The following ANXA3 variants were observed in gnomAD, a reference collection of about 807,000 sequenced individuals.
ANXA3 encodes 35-alpha calcimedin.
In ANXA3, 46 loss-of-function variants were observed where a neutral mutation model predicts 48.8. The observed-to-expected ratio is 0.94, with a 90% CI of 0.74 to 1.21. ANXA3 has a LOEUF of 1.21. Among genes scored for constraint, ANXA3 ranks in the 50% most tolerant of loss-of-function variants. ANXA3 has a pLI of 0.00. For missense variants in ANXA3, 383 were observed against 378.6 expected (o/e 1.01, Z -0.10); for synonymous variants, 128 against 134.7 (o/e 0.95, Z 0.35).
chr4:78,583,372 AT>A (rs1167681611), intron 5 of ANXA3, among the ~76,000 whole-genome samples: 2 of 151,876 alleles, frequency 1.3e-5, no homozygotes, highest in Non-Finnish European at 2.9e-5. Context: ...ATTGGAAAGA[AT>A]TGGAGGCCAT....
chr4:78,567,013 G>A (rs1433719998), intron 2 of ANXA3, among the ~76,000 whole-genome samples: 1 of 152,166 alleles, frequency 6.6e-6, no homozygotes, highest in Non-Finnish European at 1.5e-5. Flanking sequence ...ACTCCTTACT[G>A]CCCTGTGGGC....
Position 78,595,795 on chromosome 4 carries a change from TTCTC to T in ANXA3, c.544_547del (p.Leu182IlefsTer21), listed in dbSNP as rs770648116. The T allele has an allele frequency of 5.0e-6, 8 of 1,587,160 alleles. No homozygotes were observed. The highest frequency in any genetic ancestry group is 6.9e-6 in the Non-Finnish European group (8 of 1,156,466). On this transcript the variant is annotated frameshift_variant and splice_region_variant, in exon 9 of 13. Transcript: ENST00000264908. LOFTEE classifies it high-confidence loss of function. ...CTAATATCATTCTCTTGTGAATAGA[TTCTC>T]TATAAAGCTGGTGAGAACAGATGGG...
chr4:78,576,748 G>A (rs1263057252), intron 3 of ANXA3, among the ~76,000 whole-genome samples: 5 of 152,164 alleles, frequency 3.3e-5, no homozygotes, highest in Non-Finnish European at 7.3e-5. Flanking sequence ...TTGTTTATGA[G>A]CACCACTTCT....
chr4:78,559,954 A>G (rs1439257270), intron 2 of ANXA3, among the ~76,000 whole-genome samples: 1 of 152,216 alleles, frequency 6.6e-6, no homozygotes, highest in Non-Finnish European at 1.5e-5. Context: ...GCCAAATAAT[A>G]TCGCTGCAAC....
chr4:78,571,498 G>T (rs540883788), intron 2 of ANXA3, among the ~76,000 whole-genome samples: 19 of 152,244 alleles, frequency 1.2e-4, no homozygotes, highest in Non-Finnish European at 2.2e-4. Context: ...ATTTTACTGT[G>T]CCAGAACACT....
intron 12 of ANXA3, among the ~76,000 whole-genome samples, chr4:78,606,420 G>T (rs534718031): frequency 6.6e-6 from 1 of 152,178 alleles, no homozygotes; most frequent in East Asian, 1.9e-4. Flanking sequence ...CCTGATCCTG[G>T]GTAGCAGCAC....
At position 78,597,350 on chromosome 4, in the gene ANXA3, G is replaced by T. The variant is rs112391761; in HGVS notation, c.666G>T (p.Lys222Asn). 3.7e-6 allele frequency: 6 copies of T among 1,609,832 alleles called. No individual in the cohort carries two copies. Among genetic ancestry groups the T allele is most frequent in the Non-Finnish European group, 5.1e-6 (6 of 1,178,620 alleles). The change falls in exon 10 of 13, where the codon AAG (lysine) becomes AAT (asparagine). Residue 222 changes from lysine to asparagine, a missense_variant. Physicochemically the swap from Lys to Asn is moderately conservative, Grantham distance 94. Coordinates refer to ENST00000264908, the MANE Select transcript of ANXA3 (RefSeq NM_005139.3). ...ATGAATACAGAAATATCAGCCAAAA[G>T]GACATTGTGGACAGCATAAAAGGAG... ...TFDEYRNISQ[K>N]DIVDSIKGEL...
intron 4 of ANXA3, among the ~76,000 whole-genome samples, chr4:78,579,340 C>G (rs1012232343): frequency 1.3e-5 from 2 of 152,136 alleles, no homozygotes; most frequent in African/African-American, 4.8e-5. Flanking sequence ...AGTTTCTTCA[C>G]CTGTAGGATA....
chr4:78,570,092 G>A lies in ANXA3; in HGVS notation c.16-3088G>A, dbSNP rs74765868. Among the ~76,000 whole-genome samples, 166 of 152,288 alleles carry A rather than the reference G, an allele frequency of 1.1e-3. 1 individual carries two copies. The highest frequency in any genetic ancestry group is 3.3e-3 in the African/African-American group (136 of 41,556). On this transcript the variant is annotated intron_variant, in intron 2 of 12. Coordinates refer to ENST00000264908, the MANE Select transcript of ANXA3 (RefSeq NM_005139.3). Reference sequence around the variant, plus strand: ...GTCTATCAAATGAATAATGCCATTCGTTTAAATAATGGAAGCAGTTTTAAA... The same window carrying A: ...GTCTATCAAATGAATAATGCCATTCATTTAAATAATGGAAGCAGTTTTAAA...
intron 11 of ANXA3, chr4:78,603,425 AT>A (rs1723585437): frequency 6.6e-6 from 1 of 152,124 alleles, no homozygotes; most frequent in African/African-American, 2.4e-5. Context: ...TGTTTTGTCA[AT>A]CCATTTACAT....
At chr4:78,607,870 C>G (rs562917029) in intron 12 of ANXA3, among the ~76,000 whole-genome samples, 1 of 152,038 alleles carries the variant, frequency 6.6e-6, no homozygotes, top group South Asian at 2.1e-4. Flanking sequence ...GAGCATTTAC[C>G]TTTAAGACCC....
intron 10 of ANXA3, among the ~76,000 whole-genome samples, chr4:78,597,807 T>A (rs1723451996): frequency 6.6e-6 from 1 of 151,734 alleles, no homozygotes; most frequent in African/African-American, 2.4e-5. Flanking sequence ...AGAGATGGGG[T>A]TTCACCATGT....
chr4:78,601,649 A>T, intron 11 of ANXA3, 81 bp downstream of exon 11: 3 of 1,158,244 alleles, frequency 2.6e-6, no homozygotes, highest in Admixed American at 1.9e-5. Flanking sequence ...ACAAATATTT[A>T]AAAATTAGTT....
At chr4:78,558,516 A>G (rs776773626) in intron 2 of ANXA3, among the ~76,000 whole-genome samples, 1 of 152,232 alleles carries the variant, frequency 6.6e-6, no homozygotes, top group South Asian at 2.1e-4. Flanking sequence ...ATACGTGATT[A>G]TGTGTATGAT....
At chr4:78,603,833 A>T (rs566772152) in intron 11 of ANXA3, 1 of 152,466 alleles carries the variant, frequency 6.6e-6, no homozygotes, top group South Asian at 2.1e-4. Context: ...TATTTCCTCT[A>T]TAGGAAGTTT....
chr4:78,590,110 C>A (rs1416023100), intron 6 of ANXA3, among the ~76,000 whole-genome samples: 1 of 152,146 alleles, frequency 6.6e-6, no homozygotes, highest in Admixed American at 6.5e-5. Flanking sequence ...CTTATAAAGT[C>A]TCATCTAAAT....
chr4:78,569,924 A>G (rs1459758897), intron 2 of ANXA3, among the ~76,000 whole-genome samples: 1 of 152,228 alleles, frequency 6.6e-6, no homozygotes, highest in African/African-American at 2.4e-5. Flanking sequence ...AAATAATAAA[A>G]TTCACCTCAT....
At chr4:78,606,478 C>T (rs1290157975) in intron 12 of ANXA3, among the ~76,000 whole-genome samples, 1 of 152,208 alleles carries the variant, frequency 6.6e-6, no homozygotes, top group Non-Finnish European at 1.5e-5. Context: ...TGTGGGGGAG[C>T]TTACACTCAG....
In ANXA3 at chr4:78,586,279, A is replaced by G. The variant is rs982949918; in HGVS notation, c.332A>G (p.Asp111Gly). 7 of 1,613,742 alleles carry G rather than the reference A, an allele frequency of 4.3e-6. No homozygotes were observed. Among genetic ancestry groups the G allele is most frequent in the Non-Finnish European group, 5.9e-6 (7 of 1,179,780 alleles). The change falls in exon 6 of 13, where the codon GAT (aspartate) becomes GGT (glycine). Residue 111 changes from aspartate (D) to glycine (G), a missense_variant. Transcript: ENST00000264908. ...TTTTAGGGCGCGGGAACAAACGAAG[A>G]TGCCTTGATTGAAATCTTAACTACC... ...KSMKGAGTNEDALIEILTTRT... is the reference protein window; with the variant it reads ...KSMKGAGTNEGALIEILTTRT...
Sources: allele counts gnomAD v4.1 joint callset (sites outside exome capture counted in the v4.1 genomes callset), GRCh38; gene constraint gnomAD v4.1.1; transcripts MANE v1.5; gene names NCBI Gene and HGNC (gene_info 2026-07-23, HGNC 2026-07-21).